DDX6: variants seen among roughly 807,000 people sequenced by gnomAD.
The protein encoded by DDX6 is DEAD-box helicase 6, also known as probable ATP-dependent RNA helicase DDX6.
Under a neutral mutation model 60.6 loss-of-function variants are expected in DDX6, and 7 were observed. That is an observed-to-expected ratio of 0.12 (90% CI 0.07 to 0.22). The LOEUF is 0.22. DDX6 is among the 10% of genes least tolerant of loss of function. The pLI is 1.00. For synonymous variants in DDX6, 207 were observed against 201.0 expected, an observed-to-expected ratio of 1.03 and a Z score of -0.25; for missense variants, 270 against 589.9, an observed-to-expected ratio of 0.46 and a Z score of 5.62.
chr11:118,783,758 G>A (rs893321678), intron 2 of DDX6, among the ~76,000 whole-genome samples: 3 of 135,002 alleles, frequency 2.2e-5, no homozygotes, highest in Admixed American at 8.5e-5. Flanking sequence ...AGTGAGTCGA[G>A]ATCACACCAT....
At chr11:118,788,923 T>C (rs1862171262) in intron 1 of DDX6, 1 of 151,994 alleles carries the variant, frequency 6.6e-6, no homozygotes, top group African/African-American at 2.4e-5. Flanking sequence ...TCAAATGATC[T>C]GCCCGCCTTA....
intron 1 of DDX6, chr11:118,786,921 T>C (rs1247002586): frequency 2.0e-5 from 3 of 152,182 alleles, no homozygotes; most frequent in Non-Finnish European, 2.9e-5. Flanking sequence ...AACAAGACAA[T>C]TCATTAATTT....
At chr11:118,786,024 TTTA>T (rs773891956) in intron 2 of DDX6, 25 bp downstream of exon 2, 4 of 1,595,706 alleles carry the variant, frequency 2.5e-6, no homozygotes, top group Non-Finnish European at 3.4e-6. Context: ...CCCACAAGTG[TTTA>T]TTAATAATTT....
At position 118,786,352 on chromosome 11, in the gene DDX6, A is replaced by T. The variant is rs1862074571; in HGVS notation, c.-101T>A. ...TAGGCTCTCCAAAATGAAGAGATAAATATAAGTCTTGCTCAATAAATGAGT... is the reference window on the plus strand; with the variant it reads ...TAGGCTCTCCAAAATGAAGAGATAATTATAAGTCTTGCTCAATAAATGAGT... On this transcript the variant is annotated 5_prime_UTR_variant, in exon 2 of 14. Coordinates refer to ENST00000534980, the MANE Select transcript of DDX6 (RefSeq NM_004397.6). 9.7e-6 allele frequency: 10 copies of T among 1,035,774 alleles called. No individual in the cohort carries two copies. In the East Asian group the frequency reaches 2.5e-4, roughly 26 times the overall value. 64.2% of individuals were successfully genotyped at this position (1,035,774 alleles called of 1,614,324 possible).
At chr11:118,787,165 AT>A (rs1374065604) in intron 1 of DDX6, 3 of 152,302 alleles carry the variant, frequency 2.0e-5, no homozygotes, top group Non-Finnish European at 4.4e-5. Flanking sequence ...GCGAAACCCC[AT>A]CTCTACTAAA....
intron 9 of DDX6, among the ~76,000 whole-genome samples, 187 bp downstream of exon 9, chr11:118,758,587 G>A (rs1422550853): frequency 6.6e-6 from 1 of 152,116 alleles, no homozygotes; most frequent in African/African-American, 2.4e-5. Context: ...TGGCCAGGCT[G>A]GTCTCAAACT....
rs1400409718 is a variant in DDX6 at position 118,750,542 on chromosome 11, C to T, written c.*1563G>A. 1 of 152,154 alleles carries T rather than the reference C, an allele frequency of 6.6e-6. No individual in the cohort carries two copies. Among genetic ancestry groups the T allele is most frequent in the African/African-American group, 2.4e-5 (1 of 41,434 alleles). The allele number at this position is 152,154 out of a possible 1,614,324, so 9.4% of individuals were successfully genotyped here. ...GGGCAGAGGGCAACACATTTACACA[C>T]TACAGGAAATGATCCACAGAAAATT... On this transcript the variant is annotated 3_prime_UTR_variant, in exon 14 of 14. Coordinates refer to ENST00000534980, the MANE Select transcript of DDX6 (RefSeq NM_004397.6).
In DDX6 at chr11:118,749,725, G is replaced by T. The variant is rs570422155; in HGVS notation, c.*2380C>A. ...TGATCCCTCTTATCTCGCAAGAGGT[G>T]GGGGAGAAAGAGAGCTGCATCGGTA... On this transcript the variant is annotated 3_prime_UTR_variant, in exon 14 of 14. Transcript: ENST00000534980. 8 of 152,626 alleles carry T rather than the reference G, an allele frequency of 5.2e-5. 1 individual carries two copies. In the South Asian group the frequency reaches 8.3e-4, roughly 16 times the overall value. The allele number at this position is 152,626 out of a possible 1,614,324, so 9.5% of individuals were successfully genotyped here.
At chr11:118,758,732 G>T (rs782541715) in intron 9 of DDX6, 42 bp downstream of exon 9, 1 of 1,606,078 alleles carries the variant, frequency 6.2e-7, no homozygotes, top group Non-Finnish European at 8.5e-7. Context: ...GTTTTACTGG[G>T]ACTCGAGAGA....
At chr11:118,779,499 TAAAAATTTCAG>T in intron 4 of DDX6, 122 bp downstream of exon 4, 1 of 574,602 alleles carries the variant, frequency 1.7e-6, no homozygotes, top group East Asian at 3.1e-5. Context: ...AATTTACCCT[TAAAAATTTCAG>T]AAAAAGTGTG....
intron 8 of DDX6, 31 bp from the exon 9 acceptor site, chr11:118,758,933 TC>T (rs782134162): frequency 2.5e-5 from 41 of 1,611,858 alleles, no homozygotes; most frequent in Non-Finnish European, 3.5e-5. Flanking sequence ...AGATGAGTCG[TC>T]GTCTTAAATG....
At chr11:118,774,384 GTAGTATATCTGGT>G (rs1861631507) in intron 4 of DDX6, among the ~76,000 whole-genome samples, 1 of 151,498 alleles carries the variant, frequency 6.6e-6, no homozygotes, top group African/African-American at 2.4e-5. Flanking sequence ...GGAGCAATCT[GTAGTATATCTGGT>G]TCCAGCCTGT....
At chr11:118,758,536 A>AT (rs1861055488) in intron 9 of DDX6, among the ~76,000 whole-genome samples, 1 of 151,926 alleles carries the variant, frequency 6.6e-6, no homozygotes, top group Non-Finnish European at 1.5e-5. Flanking sequence ...ACCATGCCCA[A>AT]TTTTTTTGTA....
At chr11:118,752,818 G>A (rs186956592) in intron 13 of DDX6, among the ~76,000 whole-genome samples, 1 of 152,224 alleles carries the variant, frequency 6.6e-6, no homozygotes, top group Non-Finnish European at 1.5e-5. Context: ...GCAGGGCGTG[G>A]TGGCTCACAC....
intron 6 of DDX6, among the ~76,000 whole-genome samples, chr11:118,763,750 C>T (rs540758542): frequency 1.3e-5 from 2 of 151,344 alleles, no homozygotes; most frequent in South Asian, 4.2e-4. Flanking sequence ...AGGAGAATCG[C>T]TTGAACCCAG....
At position 118,754,811 on chromosome 11, in the gene DDX6, C is replaced by T. The variant is rs782028733; in HGVS notation, c.1353G>A (p.Glu451=). The stretch of plus-strand genomic sequence containing the variant: ...TAGGTTTAATTTCTGTTCCCAGCTG[C>T]TCCTCAATACTTTTCAGGTTGAAGC... ...DDRFNLKSIE[E]QLGTEIKPIP... is the part of the protein sequence containing the mutation. The change falls in exon 13 of 14, where the codon GAG becomes GAA. Residue 451 remains glutamate, a synonymous_variant. Transcript: ENST00000534980. The T allele has an allele frequency of 6.8e-6, 11 of 1,613,820 alleles. No individual in the cohort carries two copies. Among genetic ancestry groups the T allele is most frequent in the Non-Finnish European group, 9.3e-6 (11 of 1,179,894 alleles).
chr11:118,750,193 T>G lies in DDX6; in HGVS notation c.*1912A>C, dbSNP rs1555156867. 1 of 152,070 alleles carries G rather than the reference T, an allele frequency of 6.6e-6. No individual in the cohort carries two copies. The highest frequency in any genetic ancestry group is 2.4e-5 in the African/African-American group (1 of 41,402). The allele number at this position is 152,070 out of a possible 1,614,324, so 9.4% of individuals were successfully genotyped here. ...AATTTTTTTTAATTTTGTTTTTTGC[T>G]TTTTTCCCCCCCTTTCCAGATGCCT... On this transcript the variant is annotated 3_prime_UTR_variant, in exon 14 of 14. Transcript: ENST00000534980.
chr11:118,768,287 G>A lies in DDX6; in HGVS notation c.435C>T (p.Gly145=). Residue 145 remains glycine (G), a synonymous_variant, in exon 5 of 14, where the codon GGC becomes GGT. Coordinates refer to ENST00000534980, the MANE Select transcript of DDX6 (RefSeq NM_004397.6). Reference sequence around the variant, plus strand: ...AGGGAATGAGGTAGGCACCGCTCTTGCCTGTTCCATTTTTTGCTCTAGCTA... The same window carrying A: ...AGGGAATGAGGTAGGCACCGCTCTTACCTGTTCCATTTTTTGCTCTAGCTA... ...DILARAKNGT[G]KSGAYLIPLL... 1 of 1,613,488 alleles carries A rather than the reference G, an allele frequency of 6.2e-7. No homozygotes were observed. The highest frequency in any genetic ancestry group is 8.5e-7 in the Non-Finnish European group (1 of 1,179,810).
Position 118,765,364 on chromosome 11 carries a change from G to A in DDX6, c.500-9C>T, listed in dbSNP as rs1485734217. 2 of 1,613,630 alleles carry A rather than the reference G, an allele frequency of 1.2e-6. No individual in the cohort carries two copies. The highest frequency in any genetic ancestry group is 1.7e-6 in the Non-Finnish European group (2 of 1,179,760). On this transcript the variant is annotated splice_polypyrimidine_tract_variant and intron_variant, in intron 5 of 13. Transcript: ENST00000534980. ...GGGAACAATCACCATTGCTGAAACA[G>A]TATCAAGGAATATATAAGAAAATAT...
Sources: allele counts gnomAD v4.1 joint callset (sites outside exome capture counted in the v4.1 genomes callset), GRCh38; gene constraint gnomAD v4.1.1; transcripts MANE v1.5; gene names NCBI Gene and HGNC (gene_info 2026-07-23, HGNC 2026-07-21).